The following SQOR variants were observed in gnomAD, a reference collection of about 807,000 sequenced individuals.
SQOR encodes sulfide quinone oxidoreductase.
Under a neutral mutation model 48.6 loss-of-function variants are expected in SQOR, and 39 were observed. The observed-to-expected ratio is 0.80, with a 90% CI of 0.62 to 1.05. The LOEUF is 1.05. Ranked by LOEUF, SQOR falls within the 50% of genes least tolerant of loss-of-function variation. The pLI, the probability that SQOR is intolerant of heterozygous loss-of-function variation, is 0.00. For missense variants in SQOR, 561 were observed against 559.9 expected (o/e 1.00, Z -0.02); for synonymous variants, 220 against 206.2 (o/e 1.07, Z -0.57).
intron 1 of SQOR, among the ~76,000 whole-genome samples, chr15:45,655,538 G>A (rs1218016601): frequency 9.2e-5 from 14 of 152,020 alleles, no homozygotes; most frequent in Non-Finnish European, 5.9e-5. Context: ...AATTTAAAAT[G>A]TACAGTGTAT....
chr15:45,659,928 G>T (rs1341130372), intron 2 of SQOR, among the ~76,000 whole-genome samples: 1 of 152,194 alleles, frequency 6.6e-6, no homozygotes, highest in Non-Finnish European at 1.5e-5. Context: ...TTGCCTATCT[G>T]TTCCTGTCTG....
intron 6 of SQOR, among the ~76,000 whole-genome samples, chr15:45,676,927 G>A (rs1890046538): frequency 6.6e-6 from 1 of 151,970 alleles, no homozygotes; most frequent in Admixed American, 6.6e-5. Context: ...TGTAATCCCA[G>A]CTACCCGGGA....
At chr15:45,644,036 G>A (rs4270120) in intron 1 of SQOR, among the ~76,000 whole-genome samples, 1 of 151,766 alleles carries the variant, frequency 6.6e-6, no homozygotes, top group Admixed American at 6.6e-5. Context: ...AACATTCTTC[G>A]GTACTATGTA....
chr15:45,651,946 T>TG (rs1391672011), intron 1 of SQOR, among the ~76,000 whole-genome samples: 2 of 150,826 alleles, frequency 1.3e-5, no homozygotes, highest in Non-Finnish European at 3.0e-5. Flanking sequence ...TGGAGTGCAG[T>TG]GGCATGATCT....
intron 1 of SQOR, among the ~76,000 whole-genome samples, chr15:45,649,981 TAC>T (rs774360756): frequency 9.9e-5 from 15 of 151,926 alleles, no homozygotes; most frequent in Non-Finnish European, 1.9e-4. Flanking sequence ...TACCTGGGAT[TAC>T]AGTTATGTGC....
At position 45,689,229 on chromosome 15, in the gene SQOR, G is replaced by T; in HGVS notation, c.1295+12G>T. On this transcript the variant is annotated intron_variant, in intron 9 of 9. Coordinates refer to ENST00000260324, the MANE Select transcript of SQOR (RefSeq NM_021199.4). ...AATATGATGCTAAGGTAAGTGCACT[G>T]CCTGGTTCCTGGATGAGGAAAGGGA... The T allele has an allele frequency of 6.2e-7, 1 of 1,612,550 alleles. No homozygotes were observed. The highest frequency in any genetic ancestry group is 8.5e-7 in the Non-Finnish European group (1 of 1,179,080).
Position 45,658,782 on chromosome 15 carries a change from T to G in SQOR, c.-17-125T>G, listed in dbSNP as rs1889662920. On this transcript the variant is annotated intron_variant, in intron 1 of 9. Transcript: ENST00000260324. ...CCACAGCCAGTGGGGAAAGTGGTCT[T>G]GAGAGATGATGGGGACCAGCTGGAG... 10 of 722,346 alleles carry G rather than the reference T, an allele frequency of 1.4e-5. No individual in the cohort carries two copies. In the South Asian group the frequency reaches 2.2e-4, roughly 16 times the overall value. 44.7% of individuals were successfully genotyped at this position (722,346 alleles called of 1,614,324 possible).
chr15:45,648,557 T>C (rs1941290129), intron 1 of SQOR, among the ~76,000 whole-genome samples: 1 of 152,240 alleles, frequency 6.6e-6, no homozygotes, highest in Non-Finnish European at 1.5e-5. Context: ...AAATAACTGA[T>C]AATAGCATTA....
intron 6 of SQOR, among the ~76,000 whole-genome samples, chr15:45,680,840 T>G (rs1262490184): frequency 6.6e-6 from 1 of 152,120 alleles, no homozygotes; most frequent in Non-Finnish European, 1.5e-5. Flanking sequence ...GTTGTGGAAT[T>G]TGTGTGTACT....
At chr15:45,633,675 C>T (rs1190228493), upstream of SQOR, among the ~76,000 whole-genome samples, 5 of 127,448 alleles carry the variant, frequency 3.9e-5, no homozygotes, top group South Asian at 7.2e-4. Flanking sequence ...GCCTGGGAGA[C>T]GGAGTGAGAC....
intron 4 of SQOR, among the ~76,000 whole-genome samples, chr15:45,671,192 T>A (rs757684238): frequency 2.2e-4 from 34 of 152,232 alleles, no homozygotes; most frequent in Non-Finnish European, 3.1e-4. Flanking sequence ...TGGAGTCTTG[T>A]CACCGAGGCT....
At chr15:45,664,755 A>G (rs578154213) in intron 3 of SQOR, among the ~76,000 whole-genome samples, 9 of 152,310 alleles carry the variant, frequency 5.9e-5, no homozygotes, top group African/African-American at 2.2e-4. Flanking sequence ...CCCCATCCTG[A>G]AAAAGTATAG....
intron 4 of SQOR, among the ~76,000 whole-genome samples, chr15:45,671,338 A>G (rs1047039438): frequency 7.2e-5 from 11 of 152,024 alleles, no homozygotes; most frequent in Admixed American, 3.9e-4. Context: ...TATTTTTTTT[A>G]GTAGAGACGG....
At chr15:45,646,724 G>A (rs1209435198) in intron 1 of SQOR, among the ~76,000 whole-genome samples, 1 of 152,010 alleles carries the variant, frequency 6.6e-6, no homozygotes, top group African/African-American at 2.4e-5. Context: ...TACAAAAATA[G>A]ACTGCCACAA....
intron 1 of SQOR, among the ~76,000 whole-genome samples, chr15:45,649,464 T>A (rs1201883127): frequency 6.6e-6 from 1 of 152,224 alleles, no homozygotes; most frequent in Non-Finnish European, 1.5e-5. Context: ...ATTTACCTTA[T>A]TTATTGATGT....
At chr15:45,686,186 C>T (rs1206060022) in intron 7 of SQOR, among the ~76,000 whole-genome samples, 1 of 151,956 alleles carries the variant, frequency 6.6e-6, no homozygotes, top group Non-Finnish European at 1.5e-5. Flanking sequence ...GAGTCTTGCT[C>T]TGTTGCCCGG....
Position 45,688,240 on chromosome 15 carries a change from A to G in SQOR, c.1049-97A>G, listed in dbSNP as rs566756493. 1.3e-5 allele frequency: 11 copies of G among 819,876 alleles called. No homozygotes were observed. The South Asian group carries it at 1.5e-4, about 11-fold the overall frequency. 50.8% of individuals were successfully genotyped at this position (819,876 alleles called of 1,614,324 possible). A position where few individuals can be genotyped will look rare whatever the true frequency, so the allele number is the denominator to read the frequency against. On this transcript the variant is annotated intron_variant, in intron 7 of 9. Coordinates refer to ENST00000260324, the MANE Select transcript of SQOR (RefSeq NM_021199.4). ...TAGTCACAGTCTTGAGGGATGGGAA[A>G]TGGAATCTTCTTGTTTACATTAAAG...
At chr15:45,640,093 T>C (rs1895077555) in intron 1 of SQOR, among the ~76,000 whole-genome samples, 1 of 152,216 alleles carries the variant, frequency 6.6e-6, no homozygotes, top group African/African-American at 2.4e-5. Flanking sequence ...CCACAAATGA[T>C]TTGGGGACTT....
At chr15:45,665,775 G>C (rs4776201) in intron 3 of SQOR, among the ~76,000 whole-genome samples, 6,799 of 152,154 alleles carry the variant, frequency 0.045, 310 homozygotes, top group East Asian at 0.25. Context: ...GTAGAGACAG[G>C]GTTTTGCCAT....
Sources: allele counts gnomAD v4.1 joint callset (sites outside exome capture counted in the v4.1 genomes callset), GRCh38; gene constraint gnomAD v4.1.1; transcripts MANE v1.5; gene names NCBI Gene and HGNC (gene_info 2026-07-23, HGNC 2026-07-21).